The following PRKG1 variants were observed in gnomAD, a reference collection of about 807,000 sequenced individuals.
PRKG1 encodes protein kinase cGMP-dependent 1, also known as cGMP-dependent protein kinase 1.
Under a neutral mutation model 88.1 loss-of-function variants are expected in PRKG1, and 35 were observed. The observed-to-expected ratio is 0.40, with a 90% CI of 0.30 to 0.53. The LOEUF (loss-of-function observed/expected upper bound fraction) is 0.53, where lower values mean the gene tolerates loss of function less well. Ranked by LOEUF, PRKG1 falls within the 20% of genes least tolerant of loss-of-function variation. PRKG1 has a pLI of 0.59. For missense variants in PRKG1, 540 were observed against 839.8 expected (o/e 0.64, Z 4.41); for synonymous variants, 303 against 292.5 (o/e 1.04, Z -0.37).
chr10:51,211,744 G>A (rs1838226521), intron 2 of PRKG1, among the ~76,000 whole-genome samples: 1 of 152,090 alleles, frequency 6.6e-6, no homozygotes. Flanking sequence ...AAATACCTAG[G>A]AATCCAACTT....
chr10:51,829,474 T>C (rs1839953100), intron 4 of PRKG1, among the ~76,000 whole-genome samples: 1 of 152,188 alleles, frequency 6.6e-6, no homozygotes, highest in Non-Finnish European at 1.5e-5. Flanking sequence ...AGATAAAATC[T>C]ATGAAATATA....
At chr10:51,362,354 A>G (rs1352723201) in intron 2 of PRKG1, among the ~76,000 whole-genome samples, 1 of 151,788 alleles carries the variant, frequency 6.6e-6, no homozygotes, top group Non-Finnish European at 1.5e-5. Context: ...GGAAAACCAA[A>G]TTTTCTTTAA....
intron 2 of PRKG1, among the ~76,000 whole-genome samples, chr10:51,419,002 G>A (rs535953196): frequency 2.6e-5 from 4 of 152,208 alleles, no homozygotes; most frequent in African/African-American, 4.8e-5. Context: ...TATGTCTTAC[G>A]TAGTTATTTC....
chr10:51,666,465 G>A (rs1840425488), intron 3 of PRKG1, among the ~76,000 whole-genome samples: 1 of 152,192 alleles, frequency 6.6e-6, no homozygotes. Context: ...ACACAAGTTT[G>A]ATGTAAACAA....
intron 3 of PRKG1, among the ~76,000 whole-genome samples, chr10:51,715,907 T>C (rs1035429220): frequency 2.6e-5 from 4 of 152,258 alleles, no homozygotes; most frequent in African/African-American, 9.6e-5. Flanking sequence ...CTTTCCAAGC[T>C]TGTCATTAGA....
At chr10:51,754,458 C>G (rs1837806061) in intron 3 of PRKG1, among the ~76,000 whole-genome samples, 1 of 152,180 alleles carries the variant, frequency 6.6e-6, no homozygotes, top group South Asian at 2.1e-4. Context: ...AATCTTATTT[C>G]ACTCAGGATG....
chr10:51,697,430 TC>T, intron 3 of PRKG1: 1 of 448,308 alleles, frequency 2.2e-6, no homozygotes, highest in East Asian at 3.8e-5. Flanking sequence ...TGCTGCTTAT[TC>T]TTTGTAATCT....
At chr10:51,923,136 A>G (rs1346986536) in intron 5 of PRKG1, among the ~76,000 whole-genome samples, 1 of 152,006 alleles carries the variant, frequency 6.6e-6, no homozygotes, top group Non-Finnish European at 1.5e-5. Flanking sequence ...ATCCTTTATC[A>G]TTATGTAATG....
At chr10:51,654,254 A>G (rs1408330449) in intron 3 of PRKG1, among the ~76,000 whole-genome samples, 9 of 151,700 alleles carry the variant, frequency 5.9e-5, no homozygotes, top group Non-Finnish European at 1.2e-4. Flanking sequence ...TGGATATTCA[A>G]TTTCCCCAAT....
intron 3 of PRKG1, among the ~76,000 whole-genome samples, chr10:51,724,284 T>G (rs908752192): frequency 2.0e-5 from 3 of 152,176 alleles, no homozygotes; most frequent in Admixed American, 1.3e-4. Context: ...CTAAATATAT[T>G]TGCTGATATG....
At chr10:51,857,909 C>G (rs1037633174) in intron 4 of PRKG1, among the ~76,000 whole-genome samples, 4 of 150,550 alleles carry the variant, frequency 2.7e-5, no homozygotes, top group Middle Eastern at 3.2e-3. Flanking sequence ...AGAAAAGTAA[C>G]TTTATTTTTA....
intron 2 of PRKG1, among the ~76,000 whole-genome samples, chr10:51,453,385 T>G (rs1470930009): frequency 2.6e-5 from 4 of 152,062 alleles, no homozygotes; most frequent in Admixed American, 6.6e-5. Context: ...TTTCTCTAGT[T>G]CCTTGAGGTG....
intron 4 of PRKG1, among the ~76,000 whole-genome samples, chr10:51,902,345 A>G (rs1475555319): frequency 6.6e-6 from 1 of 152,050 alleles, no homozygotes; most frequent in Non-Finnish European, 1.5e-5. Context: ...TGAACTCCCG[A>G]CCTCAGGTGA....
chr10:52,030,962 A>AT (rs1289107663), intron 5 of PRKG1, among the ~76,000 whole-genome samples: 1 of 152,124 alleles, frequency 6.6e-6, no homozygotes, highest in Non-Finnish European at 1.5e-5. Flanking sequence ...AACAGCATCA[A>AT]TTTCTATTTT....
chr10:51,057,426 T>G (rs1269231750), intron 1 of PRKG1, among the ~76,000 whole-genome samples: 1 of 152,200 alleles, frequency 6.6e-6, no homozygotes, highest in Non-Finnish European at 1.5e-5. Context: ...TGTAATGCAT[T>G]GTAACACACA....
intron 14 of PRKG1, among the ~76,000 whole-genome samples, chr10:52,284,281 C>T (rs1048283411): frequency 2.0e-5 from 3 of 151,918 alleles, no homozygotes; most frequent in Admixed American, 1.3e-4. Context: ...CACTATAAGT[C>T]ACAATTTATG....
intron 3 of PRKG1, among the ~76,000 whole-genome samples, chr10:51,712,515 A>C (rs1413538303): frequency 6.6e-6 from 1 of 151,716 alleles, no homozygotes; most frequent in Non-Finnish European, 1.5e-5. Context: ...TTGAAGATTT[A>C]ATATATAGCA....
chr10:51,759,600 A>G (rs995945324), intron 3 of PRKG1, among the ~76,000 whole-genome samples: 1 of 152,150 alleles, frequency 6.6e-6, no homozygotes, highest in African/African-American at 2.4e-5. Flanking sequence ...AATGAAACAA[A>G]TGTTAAGTTA....
chr10:51,258,332 A>T (rs1049619443), intron 2 of PRKG1, among the ~76,000 whole-genome samples: 4 of 152,236 alleles, frequency 2.6e-5, no homozygotes, highest in Non-Finnish European at 4.4e-5. Flanking sequence ...TGGTTACCAG[A>T]TTCAAAGCAT....
Sources: gnomAD v4.1 joint callset for allele counts (sites outside exome capture counted in the v4.1 genomes callset) on GRCh38, gnomAD v4.1.1 for gene constraint, MANE v1.5 for transcripts, NCBI Gene and HGNC (gene_info 2026-07-23, HGNC 2026-07-21) for gene names.